Variants in ASAP1 observed in about 807,000 individuals in gnomAD.
ASAP1 encodes the protein arf-GAP with SH3 domain, ANK repeat and PH domain-containing protein 1.
Under a neutral mutation model 145.2 loss-of-function variants are expected in ASAP1, and 43 were observed. The ratio of observed to expected loss-of-function variants is 0.30; its 90% confidence interval spans 0.23 to 0.38. The LOEUF (loss-of-function observed/expected upper bound fraction) is 0.38, where lower values mean the gene tolerates loss of function less well. Among genes scored for constraint, ASAP1 ranks in the 10% least tolerant of loss-of-function variants. ASAP1 has a pLI of 1.00. For missense variants in ASAP1, 1,018 were observed against 1,355.3 expected, an observed-to-expected ratio of 0.75 and a Z score of 3.91; for synonymous variants, 546 against 515.5, an observed-to-expected ratio of 1.06 and a Z score of -0.80.
chr8:130,151,537 C>T (rs1365018888), intron 13 of ASAP1, among the ~76,000 whole-genome samples: 2 of 152,118 alleles, frequency 1.3e-5, no homozygotes, highest in African/African-American at 4.8e-5. Context: ...AGCTAAAAAT[C>T]TCAGCTGGGC....
intron 13 of ASAP1, among the ~76,000 whole-genome samples, chr8:130,150,752 T>G (rs955748222): frequency 4.6e-5 from 7 of 152,096 alleles, no homozygotes; most frequent in African/African-American, 7.2e-5. Flanking sequence ...TGGTGAAGTG[T>G]GCCTGCATTC....
chr8:130,300,176 A>C lies in ASAP1; in HGVS notation c.186+57841T>G, dbSNP rs1228161140. Among the ~76,000 whole-genome samples the C allele has an allele frequency of 1.2e-4, 18 of 149,440 alleles. No homozygotes were observed. The South Asian group carries it at 2.8e-3, about 23-fold the overall frequency. ...CACAGAGAGAGAGAGAGAGAGAGAGAGAGAGAGAGAGCGAGCGAGCGAGCA... is the reference window on the plus strand; with the variant it reads ...CACAGAGAGAGAGAGAGAGAGAGAGCGAGAGAGAGAGCGAGCGAGCGAGCA... On this transcript the variant is annotated intron_variant, in intron 3 of 29. Transcript: ENST00000518721.
At position 130,443,450 on chromosome 8, in the gene ASAP1, C is replaced by G. The variant is rs1368778276; in HGVS notation, c.-28+10G>C. ...CCCCGCCGAGCGCGCCCGAGCGCCC[C>G]GCAACTCACCGGGACCTGGCGGGCC... On this transcript the variant is annotated intron_variant, in intron 1 of 29. Transcript: ENST00000518721. The G allele has an allele frequency of 3.3e-5, 5 of 150,968 alleles. No individual in the cohort carries two copies. Among genetic ancestry groups the G allele is most frequent in the African/African-American group, 1.2e-4 (5 of 41,324 alleles). 9.4% of individuals were successfully genotyped at this position (150,968 alleles called of 1,614,324 possible). A position where few individuals can be genotyped will look rare whatever the true frequency, so the allele number is the denominator to read the frequency against.
intron 27 of ASAP1, among the ~76,000 whole-genome samples, chr8:130,065,317 A>G (rs1432526642): frequency 2.6e-5 from 4 of 152,144 alleles, no homozygotes; most frequent in Non-Finnish European, 5.9e-5. Flanking sequence ...CCGGCACGTG[A>G]GCGAGTTCTT....
chr8:130,304,068 T>G (rs542870039), intron 3 of ASAP1, among the ~76,000 whole-genome samples: 186 of 152,218 alleles, frequency 1.2e-3, no homozygotes, highest in Non-Finnish European at 2.3e-3. Context: ...AGACGGTACA[T>G]AAGAACTCTG....
chr8:130,172,724 A>T (rs1586510038), intron 9 of ASAP1, among the ~76,000 whole-genome samples: 1 of 152,238 alleles, frequency 6.6e-6, no homozygotes, highest in African/African-American at 2.4e-5. Context: ...AAGAATAAGC[A>T]AATATTTGAA....
intron 3 of ASAP1, among the ~76,000 whole-genome samples, chr8:130,308,780 A>T (rs1030383847): frequency 1.3e-5 from 2 of 152,174 alleles, no homozygotes; most frequent in African/African-American, 2.4e-5. Flanking sequence ...GGTGGCTTAC[A>T]CCTGTAATCC....
intron 28 of ASAP1, 141 bp downstream of exon 28, chr8:130,060,438 C>T (rs2097416501): frequency 8.4e-7 from 1 of 1,190,934 alleles, no homozygotes; most frequent in Non-Finnish European, 1.2e-6. Context: ...CTCTAATCCA[C>T]CATCATGCTT....
intron 10 of ASAP1, 35 bp downstream of exon 10, chr8:130,168,957 C>CAAGTTA: frequency 8.0e-7 from 1 of 1,257,122 alleles, no homozygotes; most frequent in South Asian, 1.4e-5. Context: ...TCCATGAAAG[C>CAAGTTA]AAGTTAAACT....
At chr8:130,265,716 G>A (rs929028694) in intron 3 of ASAP1, among the ~76,000 whole-genome samples, 2 of 152,024 alleles carry the variant, frequency 1.3e-5, no homozygotes, top group African/African-American at 2.4e-5. Flanking sequence ...ACCCTGTCTC[G>A]CTAAACAAAA....
In ASAP1 at chr8:130,431,784, C is replaced by T. The variant is rs186005064; in HGVS notation, c.-28+11676G>A. Among the ~76,000 whole-genome samples, 3 of 148,764 alleles carry T rather than the reference C, an allele frequency of 2.0e-5. No homozygotes were observed. The East Asian group carries it at 6.0e-4, about 30-fold the overall frequency. ...AGCACAACAGCTGGCAAATGGTAGG[C>T]ACTTAATACAGAAAGACAGAGACAG... On this transcript the variant is annotated intron_variant, in intron 1 of 29. Coordinates refer to ENST00000518721, the MANE Select transcript of ASAP1 (RefSeq NM_018482.4).
Position 130,214,565 on chromosome 8 carries a change from C to T in ASAP1, c.396G>A (p.Leu132=). The change falls in exon 5 of 30, where the codon CTG becomes CTA. Residue 132 remains leucine, a synonymous_variant. Coordinates refer to ENST00000518721, the MANE Select transcript of ASAP1 (RefSeq NM_018482.4). ...STLTKELSTL[L]KNLLQGLSHN... ...ATATGAAATGTCTTACCAGATTTTT[C>T]AGCAGTGTGGACAGTTCCTTTGTAA... 6.3e-7 allele frequency: 1 copy of T among 1,598,444 alleles called. No individual in the cohort carries two copies. Among genetic ancestry groups the T allele is most frequent in the Non-Finnish European group, 8.5e-7 (1 of 1,175,110 alleles).
At position 130,054,282 on chromosome 8, in the gene ASAP1, C is replaced by T. The variant is rs1256388819; in HGVS notation, c.*449G>A. 2 of 166,968 alleles carry T rather than the reference C, an allele frequency of 1.2e-5. No homozygotes were observed. Among genetic ancestry groups the T allele is most frequent in the Admixed American group, 1.1e-4 (2 of 17,532 alleles). 10.3% of individuals were successfully genotyped at this position (166,968 alleles called of 1,614,324 possible). On this transcript the variant is annotated 3_prime_UTR_variant, in exon 30 of 30. Transcript: ENST00000518721. ...AACTACAGGCTGGTCTGTCATGGAG[C>T]TAAAAGTTTCACCTGGAAAACAGAA...
Position 130,060,632 on chromosome 8 carries a change from G to T in ASAP1, c.3139C>A (p.Leu1047Ile). 6.2e-7 allele frequency: 1 copy of T among 1,614,168 alleles called. No individual in the cohort carries two copies. The highest frequency in any genetic ancestry group is 8.5e-7 in the Non-Finnish European group (1 of 1,180,026). Reference protein sequence around the residue: ...QKQASEDSNDLTPTLPETPVP... With the variant: ...QKQASEDSNDITPTLPETPVP... ...GGCGTCTCTGGCAGAGTAGGCGTGAGGTCGTTGGAGTCTTCAGATGCTTGC... is the reference window on the plus strand; with the variant it reads ...GGCGTCTCTGGCAGAGTAGGCGTGATGTCGTTGGAGTCTTCAGATGCTTGC... Residue 1047 changes from leucine (L) to isoleucine (I), a missense_variant, in exon 28 of 30, where the codon CTC (leucine) becomes ATC (isoleucine). Physicochemically the swap from Leu to Ile is conservative, Grantham distance 5. This residue lies in a region of ASAP1 where 139 missense variants were observed against 131.0 expected (regional missense o/e 1.06). Transcript: ENST00000518721.
At chr8:130,071,413 G>T (rs2097446304) in intron 27 of ASAP1, among the ~76,000 whole-genome samples, 1 of 152,196 alleles carries the variant, frequency 6.6e-6, no homozygotes, top group South Asian at 2.1e-4. Context: ...AGTGAATATG[G>T]CCGGTGGTAA....
chr8:130,052,723 T>TG lies in ASAP1; in HGVS notation c.*2007_*2008insC, dbSNP rs1795967296. On this transcript the variant is annotated 3_prime_UTR_variant, in exon 30 of 30. Coordinates refer to ENST00000518721, the MANE Select transcript of ASAP1 (RefSeq NM_018482.4). ...TTTAGACATGCAGCTTTTGTGTTTTTTTTTTGTTTTTGTTTTTTTTTTTTT... is the reference window on the plus strand; with the variant it reads ...TTTAGACATGCAGCTTTTGTGTTTTTGTTTTTGTTTTTGTTTTTTTTTTTTT... 3 of 146,726 alleles carry TG rather than the reference T, an allele frequency of 2.0e-5. No individual in the cohort carries two copies. The highest frequency in any genetic ancestry group is 4.5e-5 in the Non-Finnish European group (3 of 66,382). 9.1% of individuals were successfully genotyped at this position (146,726 alleles called of 1,614,324 possible). A position where few individuals can be genotyped will look rare whatever the true frequency, so the allele number is the denominator to read the frequency against.
In ASAP1 at chr8:130,222,826, G is replaced by A. The variant is rs559192058; in HGVS notation, c.260-8125C>T. The stretch of plus-strand genomic sequence containing the variant: ...TAAGCAAGTTGCTCAATGTCATACA[G>A]CTAAGAAGCAGTAGTGACAGGCACT... On this transcript the variant is annotated intron_variant, in intron 4 of 29. Coordinates refer to ENST00000518721, the MANE Select transcript of ASAP1 (RefSeq NM_018482.4). Among the ~76,000 whole-genome samples the A allele has an allele frequency of 2.0e-5, 3 of 152,280 alleles. No individual in the cohort carries two copies. In the East Asian group the frequency reaches 5.8e-4, roughly 29 times the overall value.
intron 3 of ASAP1, among the ~76,000 whole-genome samples, chr8:130,244,811 C>G (rs2114197): frequency 6.6e-6 from 1 of 152,064 alleles, no homozygotes; most frequent in African/African-American, 2.4e-5. Flanking sequence ...CCATCTTTAA[C>G]CCCTGCAATC....
chr8:130,438,655 G>C (rs952622703), intron 1 of ASAP1, among the ~76,000 whole-genome samples: 1 of 152,144 alleles, frequency 6.6e-6, no homozygotes, highest in Admixed American at 6.5e-5. Context: ...AAGAGGCTGG[G>C]TGAGAAATTA....
Sources: gnomAD v4.1 joint callset for allele counts (sites outside exome capture counted in the v4.1 genomes callset) on GRCh38, gnomAD v4.1.1 for gene constraint, gnomAD v4.1.1 regional missense constraint, MANE v1.5 for transcripts, NCBI Gene and HGNC (gene_info 2026-07-23, HGNC 2026-07-21) for gene names.